C1GALT1: variants seen among roughly 807,000 people sequenced by gnomAD.
C1GALT1 encodes glycoprotein-N-acetylgalactosamine 3-beta-galactosyltransferase 1.
C1GALT1 carries 11 observed loss-of-function variants against 31.0 expected under a neutral mutation model. The ratio of observed to expected loss-of-function variants is 0.36; its 90% confidence interval spans 0.22 to 0.59. The LOEUF is 0.59. Among genes scored for constraint, C1GALT1 ranks in the 20% least tolerant of loss-of-function variants. The pLI is 0.79. For synonymous variants in C1GALT1, 175 were observed against 143.6 expected (o/e 1.22, Z -1.56); for missense variants, 424 against 425.2 (o/e 1.00, Z 0.03).
upstream of C1GALT1, chr7:7,182,421 C>T (rs1780623317): frequency 6.6e-6 from 1 of 152,272 alleles, no homozygotes. Context: ...GACCCCTTCG[C>T]ATTAGGGCGG....
intron 2 of C1GALT1, among the ~76,000 whole-genome samples, chr7:7,159,176 A>T (rs1000019287): frequency 6.7e-6 from 1 of 149,724 alleles, no homozygotes; most frequent in African/African-American, 2.4e-5. Flanking sequence ...AAATGATTGT[A>T]TGCTTTTGGA....
At position 7,238,961 on chromosome 7, in the gene C1GALT1, C is replaced by G. The variant is rs376589638; in HGVS notation, c.888+39C>G. The G allele has an allele frequency of 2.2e-4, 323 of 1,494,128 alleles. 1 individual carries two copies. Among genetic ancestry groups the G allele is most frequent in the Non-Finnish European group, 2.7e-4 (292 of 1,097,240 alleles). The allele number at this position is 1,494,128 out of a possible 1,614,324, so 92.6% of individuals were successfully genotyped here. A position where few individuals can be genotyped will look rare whatever the true frequency, so the allele number is the denominator to read the frequency against. ...TTTTATTACTATGTCAATACTTGGA[C>G]TGACTGAATTTTGTTGATAAAAACA... is the stretch of plus-strand genomic sequence containing the variant. On this transcript the variant is annotated intron_variant, in intron 3 of 3. Coordinates refer to ENST00000436587, the MANE Select transcript of C1GALT1 (RefSeq NM_020156.5). The surrounding 1 kb of genome is among the most constrained non-coding windows in gnomAD (Gnocchi z 5.2).
chr7:7,164,045 C>T (rs1331905733), intron 2 of C1GALT1, among the ~76,000 whole-genome samples: 1 of 152,182 alleles, frequency 6.6e-6, no homozygotes, highest in African/African-American at 2.4e-5. Context: ...CTGGAGGCAT[C>T]ATGCTACCTG....
rs1783450900 is a variant in C1GALT1 at position 7,238,111 on chromosome 7, T to G, written c.221-144T>G. On this transcript the variant is annotated intron_variant, in intron 2 of 3. Coordinates refer to ENST00000436587, the MANE Select transcript of C1GALT1 (RefSeq NM_020156.5). The surrounding 1 kb of genome is among the most constrained non-coding windows in gnomAD (Gnocchi z 5.2). Reference sequence around the variant, plus strand: ...ATCAGAGTGTCAGTTCACATTAGGATGAGTTTGCTTTCCTTTGGCTAAATC... The same window carrying G: ...ATCAGAGTGTCAGTTCACATTAGGAGGAGTTTGCTTTCCTTTGGCTAAATC... 3 of 711,212 alleles carry G rather than the reference T, an allele frequency of 4.2e-6. No individual in the cohort carries two copies. The highest frequency in any genetic ancestry group is 4.0e-4 in the Middle Eastern group (1 of 2,476). 44.1% of individuals were successfully genotyped at this position (711,212 alleles called of 1,614,324 possible). A position where few individuals can be genotyped will look rare whatever the true frequency, so the allele number is the denominator to read the frequency against.
chr7:7,183,456 G>C (rs561011215), intron 1 of C1GALT1: 1 of 264,200 alleles, frequency 3.8e-6, no homozygotes, highest in Non-Finnish European at 5.9e-6. Flanking sequence ...GCAGATACGT[G>C]TGTGTTGGGG....
rs74441409 is a variant in C1GALT1, at chr7:7,167,587, C to T, written c.-18+10161C>T. 3.2e-3 allele frequency among the ~76,000 whole-genome samples: 483 copies of T among 150,994 alleles called. 7 individuals carry two copies. The highest frequency in any genetic ancestry group is 0.012 in the African/African-American group (470 of 40,780). Reference sequence around the variant, plus strand: ...AATTATGTAAGTTTTTTTTGTTGTTCATTTTTTTTTTCTCCAAGTGATAAT... The same window carrying T: ...AATTATGTAAGTTTTTTTTGTTGTTTATTTTTTTTTTCTCCAAGTGATAAT... On this transcript the variant is annotated intron_variant, in intron 2 of 3. Transcript: ENST00000429911.
chr7:7,185,041 CA>C (rs757803313), intron 1 of C1GALT1, among the ~76,000 whole-genome samples: 1 of 151,792 alleles, frequency 6.6e-6, no homozygotes, highest in Non-Finnish European at 1.5e-5. Context: ...TTCAAATGTC[CA>C]AGGGGAATAT....
At chr7:7,187,881 A>T (rs568395612) in intron 1 of C1GALT1, among the ~76,000 whole-genome samples, 2 of 152,330 alleles carry the variant, frequency 1.3e-5, no homozygotes, top group Non-Finnish European at 2.9e-5. Flanking sequence ...GCTCTAGGTC[A>T]TAGCCTTTAT....
chr7:7,238,720 C>G lies in C1GALT1; in HGVS notation c.686C>G (p.Thr229Arg). Residue 229 changes from threonine to arginine, a missense_variant, in exon 3 of 4, where the codon ACA becomes AGA. This residue lies in a region of C1GALT1 where 191 missense variants were observed against 188.8 expected (regional missense o/e 1.01). Coordinates refer to ENST00000436587, the MANE Select transcript of C1GALT1 (RefSeq NM_020156.5). The surrounding 1 kb of genome is among the most constrained non-coding windows in gnomAD (Gnocchi z 5.2). ...AAAAGATTTGTTGATGCATTTAAAA[C>G]AGACAAGTGTACACATAGTTCCTCC... ...ALKRFVDAFK[T>R]DKCTHSSSIE... The G allele has an allele frequency of 6.2e-7, 1 of 1,614,008 alleles. No homozygotes were observed. The highest frequency in any genetic ancestry group is 8.5e-7 in the Non-Finnish European group (1 of 1,179,944).
chr7:7,241,452 C>G (rs1183168669), intron 3 of C1GALT1, among the ~76,000 whole-genome samples: 1 of 151,930 alleles, frequency 6.6e-6, no homozygotes, highest in African/African-American at 2.4e-5. Context: ...ATTCTAAGGG[C>G]AAATTAACTC....
At chr7:7,167,125 C>G (rs1780406849) in intron 2 of C1GALT1, among the ~76,000 whole-genome samples, 1 of 152,164 alleles carries the variant, frequency 6.6e-6, no homozygotes, top group South Asian at 2.1e-4. Context: ...GGAGGAAGAC[C>G]AGTGGTTCAG....
chr7:7,180,179 T>A (rs1421862172), upstream of C1GALT1, among the ~76,000 whole-genome samples: 1 of 152,244 alleles, frequency 6.6e-6, no homozygotes, highest in Non-Finnish European at 1.5e-5. Context: ...TACTGAGGTT[T>A]ATGTGTGTTT....
At chr7:7,179,830 C>T (rs1443700999), upstream of C1GALT1, among the ~76,000 whole-genome samples, 1 of 149,626 alleles carries the variant, frequency 6.7e-6, no homozygotes, top group East Asian at 2.0e-4. Context: ...GGCTGTTCTA[C>T]CTCCAGTATC....
chr7:7,230,846 T>G (rs976344932), intron 1 of C1GALT1, among the ~76,000 whole-genome samples: 3 of 152,058 alleles, frequency 2.0e-5, no homozygotes, highest in African/African-American at 7.2e-5. Flanking sequence ...CTCCTTATAC[T>G]TTTTGATGCC....
chr7:7,197,389 C>G (rs553872637), intron 1 of C1GALT1, among the ~76,000 whole-genome samples: 1 of 152,002 alleles, frequency 6.6e-6, no homozygotes, highest in South Asian at 2.1e-4. Flanking sequence ...ATATTCTGTT[C>G]CATTGGTCTG....
chr7:7,189,118 T>G (rs1015364672), intron 1 of C1GALT1, among the ~76,000 whole-genome samples: 4 of 152,208 alleles, frequency 2.6e-5, no homozygotes, highest in Non-Finnish European at 5.9e-5. Context: ...GCACAAAGAT[T>G]TTCCCTATCA....
intron 1 of C1GALT1, among the ~76,000 whole-genome samples, chr7:7,222,362 C>G (rs147322666): frequency 6.6e-6 from 1 of 152,156 alleles, no homozygotes; most frequent in African/African-American, 2.4e-5. Flanking sequence ...TGAGAGACTT[C>G]GTCCAGGAAA....
At position 7,247,171 on chromosome 7, in the gene C1GALT1, C is replaced by G. The variant is rs1480075709; in HGVS notation, c.*3444C>G. On this transcript the variant is annotated 3_prime_UTR_variant, in exon 4 of 4. Transcript: ENST00000436587. ...GCTAATTCATTCTGTTTTGTGTGAC[C>G]TAATAAAGCAAAAGAAAAATAAAAA... is the stretch of plus-strand genomic sequence containing the variant. 2 of 151,876 alleles carry G rather than the reference C, an allele frequency of 1.3e-5. No homozygotes were observed. Among genetic ancestry groups the G allele is most frequent in the African/African-American group, 4.8e-5 (2 of 41,336 alleles). The allele number at this position is 151,876 out of a possible 1,614,324, so 9.4% of individuals were successfully genotyped here.
At chr7:7,199,209 T>A (rs1281932373) in intron 1 of C1GALT1, among the ~76,000 whole-genome samples, 1 of 152,226 alleles carries the variant, frequency 6.6e-6, no homozygotes, top group African/African-American at 2.4e-5. Context: ...CTGCTTTAAA[T>A]GTGTCCCAGA....
Sources: allele counts gnomAD v4.1 joint callset (sites outside exome capture counted in the v4.1 genomes callset), GRCh38; gene constraint gnomAD v4.1.1; regional missense constraint gnomAD v4.1.1; non-coding constraint Gnocchi (gnomAD v3.1); transcripts MANE v1.5; gene names NCBI Gene and HGNC (gene_info 2026-07-23, HGNC 2026-07-21).